Variants in ZNF679 observed in about 807,000 individuals in gnomAD.
ZNF679 encodes the protein zinc finger protein 679.
Under a neutral mutation model 13.4 loss-of-function variants are expected in ZNF679, and 10 were observed. The observed-to-expected ratio is 0.75, with a 90% CI of 0.46 to 1.27. ZNF679 has a LOEUF of 1.27. Among genes scored for constraint, ZNF679 ranks in the 50% most tolerant of loss-of-function variants. ZNF679 has a pLI of 0.00. For missense variants in ZNF679, 525 were observed against 477.8 expected (o/e 1.10, Z -0.92); for synonymous variants, 179 against 162.5 (o/e 1.10, Z -0.77).
intron 4 of ZNF679, among the ~76,000 whole-genome samples, chr7:64,263,306 G>A (rs1415517767): frequency 6.6e-6 from 1 of 152,082 alleles, no homozygotes; most frequent in East Asian, 1.9e-4. Flanking sequence ...CCCAAGGCTG[G>A]TATCAAACTT....
At chr7:64,230,720 C>A (rs1385350194) in intron 1 of ZNF679, among the ~76,000 whole-genome samples, 1 of 152,130 alleles carries the variant, frequency 6.6e-6, no homozygotes, top group Non-Finnish European at 1.5e-5. Flanking sequence ...AGATTAGATT[C>A]ACAATCTCAC....
At position 64,261,221 on chromosome 7, in the gene ZNF679, G is replaced by A. The variant is rs181138597; in HGVS notation, c.262+292G>A. Among the ~76,000 whole-genome samples, 48 of 152,170 alleles carry A rather than the reference G, an allele frequency of 3.2e-4. No individual in the cohort carries two copies. The East Asian group carries it at 9.1e-3, about 29-fold the overall frequency. On this transcript the variant is annotated intron_variant, in intron 4 of 4. Coordinates refer to ENST00000421025, the MANE Select transcript of ZNF679 (RefSeq NM_153363.3). ...TGACTGCTTTACCATTGTTTTGGGG[G>A]CATGCTAATATCTGCATATTTTTGA...
At chr7:64,233,277 G>T (rs1048525140) in intron 1 of ZNF679, among the ~76,000 whole-genome samples, 2 of 149,846 alleles carry the variant, frequency 1.3e-5, no homozygotes, top group Admixed American at 1.3e-4. Flanking sequence ...AAGAAAGAAA[G>T]AAATAGAGTC....
chr7:64,254,041 A>G (rs1170956729), intron 2 of ZNF679, among the ~76,000 whole-genome samples: 4 of 152,160 alleles, frequency 2.6e-5, no homozygotes. Context: ...TCTAAGTCAT[A>G]ATGGGGAGAA....
chr7:64,265,813 G>T (rs1325974116), intron 4 of ZNF679, 83 bp from the exon 5 acceptor site: 3 of 1,461,826 alleles, frequency 2.1e-6, no homozygotes, highest in South Asian at 2.8e-5. Flanking sequence ...AAAGTACCTT[G>T]TATAATTTTA....
intron 2 of ZNF679, among the ~76,000 whole-genome samples, chr7:64,256,950 C>A (rs1788012794): frequency 6.6e-6 from 1 of 152,134 alleles, no homozygotes; most frequent in Admixed American, 6.5e-5. Flanking sequence ...CCCGTCTTGG[C>A]CTCCCAAAGT....
At chr7:64,235,198 A>T (rs1173882046) in intron 1 of ZNF679, among the ~76,000 whole-genome samples, 1 of 152,148 alleles carries the variant, frequency 6.6e-6, no homozygotes, top group Non-Finnish European at 1.5e-5. Flanking sequence ...AGAAAAATTT[A>T]AAAACTCACA....
chr7:64,249,851 AT>A (rs922816344), intron 2 of ZNF679, among the ~76,000 whole-genome samples: 3 of 151,842 alleles, frequency 2.0e-5, no homozygotes, highest in Non-Finnish European at 2.9e-5. Flanking sequence ...GAAATGCAAT[AT>A]TTTTTTTGAG....
chr7:64,246,967 G>C (rs1051963656), intron 1 of ZNF679, among the ~76,000 whole-genome samples: 1 of 152,144 alleles, frequency 6.6e-6, no homozygotes, highest in African/African-American at 2.4e-5. Context: ...CATGAGTTTT[G>C]CAAGAAAGGG....
intron 2 of ZNF679, among the ~76,000 whole-genome samples, chr7:64,252,902 G>A (rs1317237872): frequency 1.3e-5 from 2 of 152,272 alleles, no homozygotes; most frequent in African/African-American, 2.4e-5. Flanking sequence ...ATTTTCAGTA[G>A]GGACGGGGTT....
In ZNF679 at chr7:64,248,984, T is replaced by C. The variant is rs182240624; in HGVS notation, c.-90-44T>C. On this transcript the variant is annotated intron_variant, in intron 1 of 4. Coordinates refer to ENST00000421025, the MANE Select transcript of ZNF679 (RefSeq NM_153363.3). ...AGGCATGCAGCTGGAGAGAACAGGA[T>C]GCCTCCGTAATTTTCCGGGTCCTTT... The C allele has an allele frequency of 9.2e-4, 1,190 of 1,287,404 alleles. 8 individuals are homozygous for C. In the Middle Eastern group the frequency reaches 0.022, roughly 23 times the overall value. The allele number at this position is 1,287,404 out of a possible 1,614,324, so 79.7% of individuals were successfully genotyped here. A position where few individuals can be genotyped will look rare whatever the true frequency, so the allele number is the denominator to read the frequency against.
At chr7:64,248,213 A>G (rs1787893601) in intron 1 of ZNF679, among the ~76,000 whole-genome samples, 1 of 152,144 alleles carries the variant, frequency 6.6e-6, no homozygotes, top group Non-Finnish European at 1.5e-5. Context: ...TCACAAGAAC[A>G]GCATGAGGAT....
rs1434101768 is a variant in ZNF679 at position 64,257,056 on chromosome 7, ATTTGAAGTTAG to A, written c.40-3154_40-3144del. 2.7e-5 allele frequency among the ~76,000 whole-genome samples: 4 copies of A among 150,530 alleles called. No homozygotes were observed. The East Asian group carries it at 7.7e-4, about 29-fold the overall frequency. On this transcript the variant is annotated intron_variant, in intron 2 of 4. Transcript: ENST00000421025. The stretch of plus-strand genomic sequence containing the variant: ...CTTAATTTCAGCTATGATTTTGGTT[ATTTGAAGTTAG>A]TTTGAAGTTATTTGAAGTTAGTTTG...
chr7:64,249,199 G>T (rs780601882), intron 2 of ZNF679, 43 bp downstream of exon 2: 1 of 1,614,048 alleles, frequency 6.2e-7, no homozygotes, highest in Admixed American at 1.7e-5. Context: ...GTGAGGGCTG[G>T]TTGGAACCGG....
At chr7:64,252,751 T>C (rs1787958881) in intron 2 of ZNF679, among the ~76,000 whole-genome samples, 1 of 152,230 alleles carries the variant, frequency 6.6e-6, no homozygotes, top group Non-Finnish European at 1.5e-5. Flanking sequence ...GGAGTCTCAC[T>C]CTGTTGCCCA....
At position 64,266,645 on chromosome 7, in the gene ZNF679, A is replaced by C; in HGVS notation, c.1012A>C (p.Thr338Pro). 6.2e-7 allele frequency: 1 copy of C among 1,610,554 alleles called. No individual in the cohort carries two copies. Among genetic ancestry groups the C allele is most frequent in the African/African-American group, 1.3e-5 (1 of 75,014 alleles). Residue 338 changes from threonine to proline, a missense_variant, in exon 5 of 5, where the codon ACC (threonine) becomes CCC (proline). Physicochemically the swap from Thr to Pro is conservative, Grantham distance 38. Coordinates refer to ENST00000421025, the MANE Select transcript of ZNF679 (RefSeq NM_153363.3). ...ECGKAFNCSS[T>P]LKKHKIIHTG... is the part of the protein sequence containing the mutation. ...TGGCAAAGCCTTTAACTGCTCCTCA[A>C]CCCTTAAGAAACATAAGATAATTCA... is the stretch of plus-strand genomic sequence containing the variant.
At chr7:64,244,930 C>T (rs1787846596) in intron 1 of ZNF679, among the ~76,000 whole-genome samples, 1 of 152,262 alleles carries the variant, frequency 6.6e-6, no homozygotes, top group Non-Finnish European at 1.5e-5. Flanking sequence ...AGAGAAAATA[C>T]TGCCACATGG....
intron 1 of ZNF679, among the ~76,000 whole-genome samples, chr7:64,242,353 G>A (rs1434769905): frequency 8.5e-5 from 13 of 152,194 alleles, no homozygotes; most frequent in Admixed American, 8.5e-4. Flanking sequence ...TATGGCACAT[G>A]TGAGACTCAC....
intron 1 of ZNF679, among the ~76,000 whole-genome samples, chr7:64,236,851 AAAAG>A (rs1242556641): frequency 1.3e-5 from 2 of 148,936 alleles, no homozygotes; most frequent in Non-Finnish European, 3.0e-5. Flanking sequence ...AGAAAGAAAC[AAAAG>A]AAAGAAAAAA....
Sources: gnomAD v4.1 joint callset for allele counts (sites outside exome capture counted in the v4.1 genomes callset) on GRCh38, gnomAD v4.1.1 for gene constraint, MANE v1.5 for transcripts, NCBI Gene and HGNC (gene_info 2026-07-23, HGNC 2026-07-21) for gene names.